FMNL2: variants seen among roughly 807,000 people sequenced by gnomAD.
The protein encoded by FMNL2 is formin-like protein 2.
In FMNL2, 51 loss-of-function variants were observed where a neutral mutation model predicts 130.2. That is an observed-to-expected ratio of 0.39 (90% CI 0.31 to 0.49). The LOEUF is 0.49. Among genes scored for constraint, FMNL2 ranks in the 20% least tolerant of loss-of-function variants. The pLI is 0.85. For missense variants in FMNL2, 977 were observed against 1,316.2 expected, an observed-to-expected ratio of 0.74 and a Z score of 3.99; for synonymous variants, 465 against 467.1, an observed-to-expected ratio of 1.00 and a Z score of 0.06.
In FMNL2 at chr2:152,596,214, C is replaced by T. The variant is rs540898385; in HGVS notation, c.877-11125C>T. Among the ~76,000 whole-genome samples the T allele has an allele frequency of 2.4e-4, 36 of 152,030 alleles. 1 individual carries two copies. The highest frequency in any genetic ancestry group is 4.1e-4 in the African/African-American group (17 of 41,492). ...CTGACCTCAAGTGATCCGCCCACCT[C>T]GGCCTCCCGCAGTGCTGAAATTACA... On this transcript the variant is annotated intron_variant, in intron 9 of 25. Transcript: ENST00000288670.
intron 17 of FMNL2, among the ~76,000 whole-genome samples, chr2:152,627,281 T>A (rs542709845): frequency 2.8e-4 from 42 of 152,336 alleles, no homozygotes; most frequent in African/African-American, 9.9e-4. Flanking sequence ...TTTCAGGACA[T>A]TTTAAACAAA....
chr2:152,620,171 T>C (rs1207888407), intron 15 of FMNL2, among the ~76,000 whole-genome samples: 1 of 152,156 alleles, frequency 6.6e-6, no homozygotes, highest in East Asian at 1.9e-4. Flanking sequence ...CATGCTTTTA[T>C]GTGTAATTGC....
chr2:152,515,416 GT>G (rs1692714517), intron 1 of FMNL2, among the ~76,000 whole-genome samples: 1 of 152,062 alleles, frequency 6.6e-6, no homozygotes, highest in Non-Finnish European at 1.5e-5. Flanking sequence ...AGCCCAGTCA[GT>G]TTTTTGGCTC....
chr2:152,645,557 C>T (rs1359491749), intron 25 of FMNL2: 14 of 1,236,676 alleles, frequency 1.1e-5, no homozygotes, highest in Non-Finnish European at 1.5e-5. Flanking sequence ...TAGCTTCCTC[C>T]TCTCTCTGTA....
chr2:152,338,160 G>T (rs997652666), intron 1 of FMNL2, among the ~76,000 whole-genome samples: 1 of 152,072 alleles, frequency 6.6e-6, no homozygotes, highest in African/African-American at 2.4e-5. Flanking sequence ...AGATTTTTAA[G>T]TATGTATGTG....
intron 1 of FMNL2, among the ~76,000 whole-genome samples, chr2:152,460,665 C>T (rs978181383): frequency 2.6e-5 from 4 of 152,224 alleles, no homozygotes; most frequent in Admixed American, 6.5e-5. Context: ...ACTTGCATTA[C>T]TGCTTGAGCC....
At chr2:152,578,993 A>T (rs372001124) in intron 8 of FMNL2, 29 bp downstream of exon 8, 169 of 1,578,512 alleles carry the variant, frequency 1.1e-4, no homozygotes, top group Non-Finnish European at 1.4e-4. Flanking sequence ...ACGCAAGTCT[A>T]AATCTATCTA....
At chr2:152,389,487 C>A (rs759669485) in intron 1 of FMNL2, among the ~76,000 whole-genome samples, 1 of 152,208 alleles carries the variant, frequency 6.6e-6, no homozygotes, top group African/African-American at 2.4e-5. Flanking sequence ...TTTGAGGAGA[C>A]ACATTCAGTT....
chr2:152,371,678 A>G (rs1036614372), intron 1 of FMNL2, among the ~76,000 whole-genome samples: 3 of 151,626 alleles, frequency 2.0e-5, no homozygotes, highest in Non-Finnish European at 2.9e-5. Context: ...CAAAAAAAAA[A>G]AAAAAAAAAA....
chr2:152,633,418 A>G (rs578005526), intron 21 of FMNL2, among the ~76,000 whole-genome samples: 2 of 152,116 alleles, frequency 1.3e-5, no homozygotes, highest in African/African-American at 4.8e-5. Context: ...TCTTAAGGGT[A>G]TATCAGGTTT....
intron 1 of FMNL2, among the ~76,000 whole-genome samples, chr2:152,457,186 TAA>T (rs369227444): frequency 4.3e-5 from 6 of 141,004 alleles, no homozygotes; most frequent in African/African-American, 2.6e-5. Flanking sequence ...AGGGAGATGG[TAA>T]AAAAAAAAAA....
chr2:152,629,263 A>AT (rs1682006190), intron 18 of FMNL2, among the ~76,000 whole-genome samples: 1 of 150,910 alleles, frequency 6.6e-6, no homozygotes, highest in African/African-American at 2.4e-5. Context: ...CTTTTTTTTC[A>AT]TTTTTGATGC....
intron 1 of FMNL2, among the ~76,000 whole-genome samples, chr2:152,436,819 AG>A (rs1168769932): frequency 6.6e-6 from 1 of 152,174 alleles, no homozygotes; most frequent in Non-Finnish European, 1.5e-5. Flanking sequence ...CATAGTATGA[AG>A]GGGGAAGTGG....
chr2:152,386,146 C>T (rs1417983048), intron 1 of FMNL2, among the ~76,000 whole-genome samples: 1 of 152,190 alleles, frequency 6.6e-6, no homozygotes, highest in Non-Finnish European at 1.5e-5. Context: ...AAATGAGCTT[C>T]TCTTTCTCCT....
chr2:152,518,924 T>C (rs1456211361), intron 1 of FMNL2, among the ~76,000 whole-genome samples: 1 of 152,206 alleles, frequency 6.6e-6, no homozygotes, highest in East Asian at 1.9e-4. Flanking sequence ...CCCGTGGCAC[T>C]TCAGATAAAA....
intron 1 of FMNL2, among the ~76,000 whole-genome samples, chr2:152,363,211 G>T (rs1023043831): frequency 1.3e-5 from 2 of 152,132 alleles, no homozygotes; most frequent in Non-Finnish European, 2.9e-5. Flanking sequence ...TAAAGCTGTT[G>T]TCCCCCCAAA....
intron 1 of FMNL2, among the ~76,000 whole-genome samples, chr2:152,431,834 C>T (rs550095584): frequency 1.3e-5 from 2 of 151,968 alleles, no homozygotes; most frequent in African/African-American, 4.8e-5. Flanking sequence ...CATGGTGGCA[C>T]ATGCGTGTAG....
chr2:152,619,994 G>T (rs770020416), intron 15 of FMNL2, among the ~76,000 whole-genome samples: 9 of 152,100 alleles, frequency 5.9e-5, no homozygotes, highest in Non-Finnish European at 1.2e-4. Flanking sequence ...CGAGAGAATG[G>T]AAGAGAGACA....
At position 152,404,434 on chromosome 2, in the gene FMNL2, C is replaced by T. The variant is rs1357312273; in HGVS notation, c.117+68714C>T. ...ATAGAAAAAATAATGAAATATATAT[C>T]ATCTTTGGGGATAATGTCATTTTCT... On this transcript the variant is annotated intron_variant, in intron 1 of 25. Transcript: ENST00000288670. 2.6e-5 allele frequency among the ~76,000 whole-genome samples: 4 copies of T among 152,178 alleles called. No homozygotes were observed. The East Asian group carries it at 7.7e-4, about 29-fold the overall frequency.
Sources: gnomAD v4.1 joint callset for allele counts (sites outside exome capture counted in the v4.1 genomes callset) on GRCh38, gnomAD v4.1.1 for gene constraint, MANE v1.5 for transcripts, NCBI Gene and HGNC (gene_info 2026-07-23, HGNC 2026-07-21) for gene names.